The following LGR4 variants were observed in gnomAD, a reference collection of about 807,000 sequenced individuals.
LGR4 encodes the protein leucine-rich repeat-containing G protein-coupled receptor 4.
A neutral mutation model predicts 84.8 loss-of-function variants in LGR4; 44 were observed. The observed-to-expected ratio is 0.52, with a 90% CI of 0.41 to 0.67. The LOEUF (loss-of-function observed/expected upper bound fraction) is 0.67, where lower values mean the gene tolerates loss of function less well. Among genes scored for constraint, LGR4 ranks in the 30% least tolerant of loss-of-function variants. The pLI, the probability that LGR4 is intolerant of heterozygous loss-of-function variation, is 0.00. For missense variants in LGR4, 1,032 were observed against 1,131.4 expected (o/e 0.91, Z 1.26); for synonymous variants, 429 against 434.3 (o/e 0.99, Z 0.15).
chr11:27,461,731 G>T (rs939734493), intron 1 of LGR4, among the ~76,000 whole-genome samples: 1 of 150,642 alleles, frequency 6.6e-6, no homozygotes, highest in East Asian at 2.0e-4. Flanking sequence ...GAAGCCAAAA[G>T]ATTGGACACC....
chr11:27,389,024 A>C (rs1309348662), intron 4 of LGR4, among the ~76,000 whole-genome samples: 1 of 152,176 alleles, frequency 6.6e-6, no homozygotes, highest in Non-Finnish European at 1.5e-5. Flanking sequence ...CACTTGCATC[A>C]AACCACTTCT....
chr11:27,432,270 C>T (rs1203766074), intron 1 of LGR4, among the ~76,000 whole-genome samples: 1 of 152,198 alleles, frequency 6.6e-6, no homozygotes, highest in Non-Finnish European at 1.5e-5. Flanking sequence ...CTTCTCTCCC[C>T]AGCCACCATC....
chr11:27,419,872 G>A (rs2133407424), intron 1 of LGR4, among the ~76,000 whole-genome samples: 1 of 152,030 alleles, frequency 6.6e-6, no homozygotes, highest in South Asian at 2.1e-4. Flanking sequence ...ACAGCATTCT[G>A]GAAAAGGTGA....
intron 1 of LGR4, among the ~76,000 whole-genome samples, chr11:27,431,698 A>G (rs905037707): frequency 2.6e-5 from 4 of 152,124 alleles, no homozygotes; most frequent in African/African-American, 9.7e-5. Flanking sequence ...GGACAAAAGG[A>G]TTGTCCATCC....
At chr11:27,463,827 T>C (rs1287345241) in intron 1 of LGR4, among the ~76,000 whole-genome samples, 1 of 152,136 alleles carries the variant, frequency 6.6e-6, no homozygotes, top group Non-Finnish European at 1.5e-5. Context: ...AGAAACATAT[T>C]TGAAATGTAT....
chr11:27,442,925 G>C (rs948484299), intron 1 of LGR4, among the ~76,000 whole-genome samples: 3 of 152,156 alleles, frequency 2.0e-5, no homozygotes, highest in African/African-American at 7.2e-5. Context: ...AGAAATAAAG[G>C]AAGTTAGTAT....
At chr11:27,377,481 GTATA>G (rs896556799) in intron 11 of LGR4, among the ~76,000 whole-genome samples, 31 of 150,886 alleles carry the variant, frequency 2.1e-4, no homozygotes, top group African/African-American at 6.3e-4. Context: ...TTTCTATAAA[GTATA>G]TATATAAAGT....
intron 1 of LGR4, among the ~76,000 whole-genome samples, chr11:27,459,954 G>T (rs1864653137): frequency 6.6e-6 from 1 of 152,048 alleles, no homozygotes; most frequent in African/African-American, 2.4e-5. Flanking sequence ...AGCCAAGTGT[G>T]ATGACATGTG....
chr11:27,373,788 G>A lies in LGR4; in HGVS notation c.1254-112C>T, dbSNP rs115220147. The A allele has an allele frequency of 1.2e-5, 14 of 1,129,084 alleles. No individual in the cohort carries two copies. In the African/African-American group the frequency reaches 2.0e-4, roughly 16 times the overall value. The allele number at this position is 1,129,084 out of a possible 1,614,324, so 69.9% of individuals were successfully genotyped here. ...GATCCCTAAGATGAAGTTCAAGTGG[G>A]GGTGCTAAAATTATAGTTCTAGCAT... On this transcript the variant is annotated intron_variant, in intron 14 of 17. Coordinates refer to ENST00000379214, the MANE Select transcript of LGR4 (RefSeq NM_018490.5).
chr11:27,380,375 AT>A (rs772527067), intron 9 of LGR4, 36 bp from the exon 10 acceptor site: 13 of 1,490,164 alleles, frequency 8.7e-6, no homozygotes, highest in South Asian at 3.6e-5. Flanking sequence ...TAATTTTTAA[AT>A]TTTTTTTCAT....
intron 1 of LGR4, among the ~76,000 whole-genome samples, chr11:27,463,455 A>G (rs1255964022): frequency 6.6e-6 from 1 of 152,202 alleles, no homozygotes; most frequent in Non-Finnish European, 1.5e-5. Flanking sequence ...TAAACTGCTA[A>G]ATATCAGTTA....
intron 1 of LGR4, among the ~76,000 whole-genome samples, chr11:27,452,173 T>C (rs1864492670): frequency 1.3e-5 from 2 of 152,166 alleles, no homozygotes; most frequent in Non-Finnish European, 2.9e-5. Flanking sequence ...AGAGACTCAG[T>C]TTCCTCATCT....
chr11:27,420,309 G>T (rs1301995786), intron 1 of LGR4, among the ~76,000 whole-genome samples: 2 of 152,070 alleles, frequency 1.3e-5, no homozygotes. Flanking sequence ...CAGAACACTG[G>T]GTCCAGTTTC....
chr11:27,467,046 A>G (rs1269662800), intron 1 of LGR4, among the ~76,000 whole-genome samples: 1 of 151,788 alleles, frequency 6.6e-6, no homozygotes, highest in Non-Finnish European at 1.5e-5. Flanking sequence ...TTGGCCTCCC[A>G]AAGTGTTGGG....
intron 1 of LGR4, among the ~76,000 whole-genome samples, chr11:27,425,668 C>T (rs1864010298): frequency 6.6e-6 from 1 of 152,054 alleles, no homozygotes; most frequent in South Asian, 2.1e-4. Flanking sequence ...CAAAGGTATC[C>T]TACTATGGAC....
chr11:27,465,914 C>T lies in LGR4; in HGVS notation c.185+6204G>A, dbSNP rs116564202. 5.1e-3 allele frequency among the ~76,000 whole-genome samples: 775 copies of T among 152,234 alleles called. 6 individuals are homozygous for T. Among genetic ancestry groups the T allele is most frequent in the African/African-American group, 0.015 (612 of 41,550 alleles). On this transcript the variant is annotated intron_variant, in intron 1 of 17. Transcript: ENST00000379214. ...TACAATTACAGCATTTTATCATCTT[C>T]AATCAAGCTTTTAAAAAACCACACT...
intron 5 of LGR4, among the ~76,000 whole-genome samples, chr11:27,384,797 A>G (rs760492201): frequency 2.6e-5 from 4 of 152,178 alleles, no homozygotes; most frequent in African/African-American, 4.8e-5. Context: ...TGTAGTTTAC[A>G]CCAGTGAGAT....
intron 6 of LGR4, among the ~76,000 whole-genome samples, chr11:27,383,726 T>G (rs1189459318): frequency 6.6e-6 from 1 of 152,156 alleles, no homozygotes; most frequent in African/African-American, 2.4e-5. Context: ...TATCTTTGAA[T>G]GAAGGCAATA....
chr11:27,434,832 GA>G (rs370193233), intron 1 of LGR4, among the ~76,000 whole-genome samples: 15 of 152,288 alleles, frequency 9.8e-5, no homozygotes, highest in African/African-American at 3.6e-4. Flanking sequence ...AAAGAGGGGA[GA>G]GGGGAGGAAC....
Sources: allele counts gnomAD v4.1 joint callset (sites outside exome capture counted in the v4.1 genomes callset), GRCh38; gene constraint gnomAD v4.1.1; transcripts MANE v1.5; gene names NCBI Gene and HGNC (gene_info 2026-07-23, HGNC 2026-07-21).